The following EHD3 variants were observed in gnomAD, a reference collection of about 807,000 sequenced individuals.
The protein encoded by EHD3 is EH domain-containing protein 3.
Under a neutral mutation model 43.0 loss-of-function variants are expected in EHD3, and 17 were observed. That is an observed-to-expected ratio of 0.40 (90% CI 0.27 to 0.59). The LOEUF is 0.59. Ranked by LOEUF, EHD3 falls within the 20% of genes least tolerant of loss-of-function variation. EHD3 has a pLI of 0.49. For missense variants in EHD3, 594 were observed against 705.6 expected, an observed-to-expected ratio of 0.84 and a Z score of 1.79; for synonymous variants, 313 against 289.5, an observed-to-expected ratio of 1.08 and a Z score of -0.82.
At chr2:31,258,554 C>T (rs750804564) in intron 3 of EHD3, among the ~76,000 whole-genome samples, 9 of 152,220 alleles carry the variant, frequency 5.9e-5, no homozygotes, top group Non-Finnish European at 1.3e-4. Flanking sequence ...GGCTACCTTC[C>T]TGGACTTGAG....
At chr2:31,241,836 A>T (rs1300471054) in intron 1 of EHD3, among the ~76,000 whole-genome samples, 1 of 152,218 alleles carries the variant, frequency 6.6e-6, no homozygotes, top group Non-Finnish European at 1.5e-5. Context: ...GAAGGCAGGA[A>T]GTGCTAGCCA....
intron 1 of EHD3, among the ~76,000 whole-genome samples, chr2:31,241,052 A>T (rs1013709347): frequency 1.3e-5 from 2 of 152,150 alleles, no homozygotes; most frequent in Non-Finnish European, 2.9e-5. Flanking sequence ...GGAGCCAGGG[A>T]CCTGCTCTGA....
intron 5 of EHD3, 84 bp downstream of exon 5, chr2:31,261,797 G>A: frequency 3.3e-6 from 5 of 1,528,726 alleles, no homozygotes; most frequent in South Asian, 1.3e-5. Context: ...GGCCACTCTT[G>A]GAGCCCCCCA....
At chr2:31,264,945 T>A (rs1252205352) in intron 5 of EHD3, among the ~76,000 whole-genome samples, 2 of 152,102 alleles carry the variant, frequency 1.3e-5, no homozygotes, top group Admixed American at 6.5e-5. Context: ...TTTAAAAAAA[T>A]TTATTTTTTA....
intron 1 of EHD3, among the ~76,000 whole-genome samples, chr2:31,240,722 G>A (rs1025697754): frequency 1.3e-5 from 2 of 152,200 alleles, no homozygotes; most frequent in African/African-American, 2.4e-5. Context: ...AATTTGAGAC[G>A]CCTGTGTGAG....
At chr2:31,254,891 T>C (rs1683721215) in intron 3 of EHD3, among the ~76,000 whole-genome samples, 2 of 152,196 alleles carry the variant, frequency 1.3e-5, no homozygotes, top group African/African-American at 4.8e-5. Flanking sequence ...ATACAGAGAA[T>C]TATGAAGAGC....
chr2:31,268,570 A>C lies in EHD3; in HGVS notation c.*1866A>C, dbSNP rs2148726491. On this transcript the variant is annotated 3_prime_UTR_variant, in exon 6 of 6. Coordinates refer to ENST00000322054, the MANE Select transcript of EHD3 (RefSeq NM_014600.3). ...TTTGTCTAGGCTCAGTGACCAACCC[A>C]GGCACAGCTGGTGGAGCCACCGCTC... is the stretch of plus-strand genomic sequence containing the variant. 6.6e-6 allele frequency: 1 copy of C among 152,344 alleles called. No homozygotes were observed. The highest frequency in any genetic ancestry group is 2.1e-4 in the South Asian group (1 of 4,828). 9.4% of individuals were successfully genotyped at this position (152,344 alleles called of 1,614,324 possible).
intron 1 of EHD3, among the ~76,000 whole-genome samples, chr2:31,237,197 T>C (rs1321221700): frequency 1.3e-5 from 2 of 152,028 alleles, no homozygotes; most frequent in East Asian, 3.9e-4. Context: ...TTGTTTTTAA[T>C]TGGAAAATAT....
intron 3 of EHD3, among the ~76,000 whole-genome samples, chr2:31,251,634 G>T (rs955254422): frequency 6.6e-6 from 1 of 152,242 alleles, no homozygotes; most frequent in Admixed American, 6.5e-5. Flanking sequence ...TGGGAAGGGG[G>T]TCTTGGAAGA....
Position 31,267,869 on chromosome 2 carries a change from G to C in EHD3, c.*1165G>C, listed in dbSNP as rs1182023589. On this transcript the variant is annotated 3_prime_UTR_variant, in exon 6 of 6. Coordinates refer to ENST00000322054, the MANE Select transcript of EHD3 (RefSeq NM_014600.3). ...TGGTGGCCCATCAGTCTGGCCATCTGTCACGTCACAGAAGCAAACCGTGCC... is the reference window on the plus strand; with the variant it reads ...TGGTGGCCCATCAGTCTGGCCATCTCTCACGTCACAGAAGCAAACCGTGCC... 6.6e-6 allele frequency: 1 copy of C among 152,280 alleles called. No individual in the cohort carries two copies. Among genetic ancestry groups the C allele is most frequent in the South Asian group, 2.1e-4 (1 of 4,838 alleles). 9.4% of individuals were successfully genotyped at this position (152,280 alleles called of 1,614,324 possible). A position where few individuals can be genotyped will look rare whatever the true frequency, so the allele number is the denominator to read the frequency against.
chr2:31,266,044 C>T lies in EHD3; in HGVS notation c.1081-133C>T. 8.5e-7 allele frequency: 1 copy of T among 1,171,560 alleles called. No individual in the cohort carries two copies. Among genetic ancestry groups the T allele is most frequent in the Non-Finnish European group, 1.2e-6 (1 of 851,060 alleles). The allele number at this position is 1,171,560 out of a possible 1,614,324, so 72.6% of individuals were successfully genotyped here. A position where few individuals can be genotyped will look rare whatever the true frequency, so the allele number is the denominator to read the frequency against. Reference sequence around the variant, plus strand: ...ACCACGTGATGTCCATCAGCTGAGCCTCTAGGTCACAGGTCTTTCATTGTA... The same window carrying T: ...ACCACGTGATGTCCATCAGCTGAGCTTCTAGGTCACAGGTCTTTCATTGTA... On this transcript the variant is annotated intron_variant, in intron 5 of 5. Coordinates refer to ENST00000322054, the MANE Select transcript of EHD3 (RefSeq NM_014600.3). The surrounding 1 kb of genome is among the most constrained non-coding windows in gnomAD (Gnocchi z 5.1).
rs149859954 is a variant in EHD3, at chr2:31,254,913, C to T, written c.502+5445C>T. 1.6e-3 allele frequency among the ~76,000 whole-genome samples: 246 copies of T among 152,334 alleles called. 1 individual carries two copies. The highest frequency in any genetic ancestry group is 5.5e-3 in the African/African-American group (227 of 41,568). ...GAATTATGAAGAGCGAATGAGGTCA[C>T]GTGGCTGGAAACCCGAAGAAGTATG... On this transcript the variant is annotated intron_variant, in intron 3 of 5. Coordinates refer to ENST00000322054, the MANE Select transcript of EHD3 (RefSeq NM_014600.3).
chr2:31,256,378 G>A (rs1190015442), intron 3 of EHD3, among the ~76,000 whole-genome samples: 4 of 152,200 alleles, frequency 2.6e-5, no homozygotes, highest in African/African-American at 9.7e-5. Flanking sequence ...GAGGCCCAGA[G>A]ATTACTCATT....
At chr2:31,261,745 ACAGTGT>A in intron 5 of EHD3, 32 bp downstream of exon 5, 2 of 1,609,424 alleles carry the variant, frequency 1.2e-6, no homozygotes, top group Non-Finnish European at 1.7e-6. Context: ...AAGACAAGGG[ACAGTGT>A]CCCGAGAGCT....
At position 31,260,093 on chromosome 2, in the gene EHD3, C is replaced by T. The variant is rs1414417920; in HGVS notation, c.503-417C>T. ...GCGCATGCCTGTAATCCCAGCTACT[C>T]GGGAGGCTGAGGCAGGAAAATCACT... On this transcript the variant is annotated intron_variant, in intron 3 of 5. Transcript: ENST00000322054. The surrounding 1 kb of genome is among the most constrained non-coding windows in gnomAD (Gnocchi z 4.6). 4.6e-5 allele frequency among the ~76,000 whole-genome samples: 7 copies of T among 151,978 alleles called. No individual in the cohort carries two copies. The highest frequency in any genetic ancestry group is 1.0e-4 in the Non-Finnish European group (7 of 68,018).
chr2:31,264,636 C>G (rs541229958), intron 5 of EHD3, among the ~76,000 whole-genome samples: 3 of 144,080 alleles, frequency 2.1e-5, no homozygotes, highest in African/African-American at 5.2e-5. Flanking sequence ...TGGGTTCAAG[C>G]GATTCTCCTC....
intron 2 of EHD3, among the ~76,000 whole-genome samples, chr2:31,245,461 T>C (rs955067968): frequency 4.6e-5 from 7 of 151,210 alleles, no homozygotes; most frequent in Admixed American, 1.3e-4. Flanking sequence ...AGGCATCTGC[T>C]GTGGCCATTT....
At chr2:31,241,266 A>G (rs1347668548) in intron 1 of EHD3, among the ~76,000 whole-genome samples, 2 of 152,170 alleles carry the variant, frequency 1.3e-5, no homozygotes, top group Non-Finnish European at 2.9e-5. Flanking sequence ...TCGTTCTAAA[A>G]GGGAGCTCAA....
chr2:31,257,539 ACT>A (rs1296601410), intron 3 of EHD3, among the ~76,000 whole-genome samples: 21 of 150,732 alleles, frequency 1.4e-4, no homozygotes, highest in Non-Finnish European at 2.8e-4. Context: ...CAACTGTTTG[ACT>A]CTCTCCTCTC....
Sources: gnomAD v4.1 joint callset for allele counts (sites outside exome capture counted in the v4.1 genomes callset) on GRCh38, gnomAD v4.1.1 for gene constraint, Gnocchi (gnomAD v3.1) non-coding constraint, MANE v1.5 for transcripts, NCBI Gene and HGNC (gene_info 2026-07-23, HGNC 2026-07-21) for gene names.